KDM2A: variants seen among roughly 807,000 people sequenced by gnomAD.
KDM2A encodes lysine demethylase 2A, also known as lysine-specific demethylase 2A.
Under a neutral mutation model 137.3 loss-of-function variants are expected in KDM2A, and 3 were observed. That is an observed-to-expected ratio of 0.02 (90% CI 0.01 to 0.06). The LOEUF (loss-of-function observed/expected upper bound fraction) is 0.06. Ranked by LOEUF, KDM2A falls within the 10% of genes least tolerant of loss-of-function variation. The pLI is 1.00. For synonymous variants in KDM2A, 512 were observed against 541.5 expected, an observed-to-expected ratio of 0.95 and a Z score of 0.76; for missense variants, 738 against 1,510.6, an observed-to-expected ratio of 0.49 and a Z score of 8.48.
At chr11:67,152,127 C>T (rs958271756) in intron 2 of KDM2A, among the ~76,000 whole-genome samples, 2 of 151,720 alleles carry the variant, frequency 1.3e-5, no homozygotes, top group Non-Finnish European at 2.9e-5. Context: ...ACCGCCTGGT[C>T]AACATAGTGA....
At chr11:67,176,029 G>C (rs1475038442) in intron 2 of KDM2A, among the ~76,000 whole-genome samples, 1 of 152,142 alleles carries the variant, frequency 6.6e-6, no homozygotes, top group East Asian at 1.9e-4. Context: ...TACTTTGAAT[G>C]ATGATGGCAT....
At chr11:67,168,569 CTT>C (rs1856800616) in intron 2 of KDM2A, among the ~76,000 whole-genome samples, 1 of 10,586 alleles carries the variant, frequency 9.4e-5, no homozygotes, top group Non-Finnish European at 2.3e-4. Flanking sequence ...CACACACAGT[CTT>C]GTATGAATTA....
In KDM2A at chr11:67,216,552, T is replaced by C. The variant is rs554747806; in HGVS notation, c.687+603T>C. On this transcript the variant is annotated intron_variant, in intron 8 of 20. Coordinates refer to ENST00000529006, the MANE Select transcript of KDM2A (RefSeq NM_012308.3). ...GTATTATACTCTTGTTACTCTTTTTTCTCTAACTTGCAGTGAATGCATTTG... is the reference window on the plus strand; with the variant it reads ...GTATTATACTCTTGTTACTCTTTTTCCTCTAACTTGCAGTGAATGCATTTG... 1.1e-3 allele frequency among the ~76,000 whole-genome samples: 170 copies of C among 152,380 alleles called. 1 individual carries two copies. Among genetic ancestry groups the C allele is most frequent in the Admixed American group, 4.2e-3 (65 of 15,306 alleles).
In KDM2A at chr11:67,246,023, A is replaced by G; in HGVS notation, c.1872A>G (p.Gly624=). ...ACTCAGTCACATGTTCCCTCTGTGG[A>G]GAGGTGGATCAGAATGAAGAGACAC... ...LPHSVTCSLC[G]EVDQNEETQD... Residue 624 remains glycine (G), a synonymous_variant, in exon 15 of 21, where the codon GGA becomes GGG. Coordinates refer to ENST00000529006, the MANE Select transcript of KDM2A (RefSeq NM_012308.3). The G allele has an allele frequency of 6.2e-7, 1 of 1,613,932 alleles. No homozygotes were observed. Among genetic ancestry groups the G allele is most frequent in the South Asian group, 1.1e-5 (1 of 91,084 alleles).
intron 12 of KDM2A, among the ~76,000 whole-genome samples, chr11:67,235,912 C>T (rs1858859144): frequency 1.3e-5 from 2 of 152,162 alleles, no homozygotes; most frequent in Non-Finnish European, 2.9e-5. Context: ...GCCACTGCGC[C>T]CGGCCAAGAT....
At chr11:67,229,567 T>C (rs952657939) in intron 11 of KDM2A, among the ~76,000 whole-genome samples, 1 of 152,148 alleles carries the variant, frequency 6.6e-6, no homozygotes, top group South Asian at 2.1e-4. Context: ...TAGTTTATAT[T>C]CTCAGTTGAA....
rs139505492 is a variant in KDM2A, at chr11:67,158,848, C to T, written c.43-21231C>T. Among the ~76,000 whole-genome samples the T allele has an allele frequency of 5.4e-3, 816 of 152,144 alleles. 13 individuals carry two copies. The highest frequency in any genetic ancestry group is 0.018 in the African/African-American group (764 of 41,506). ...ATATCTTCTCTGTTTAGATCTTTTG[C>T]TTACTGTTTTATTGTGCTGGTTTTT... On this transcript the variant is annotated intron_variant, in intron 2 of 20. Transcript: ENST00000529006.
chr11:67,205,537 C>T (rs977354502), intron 5 of KDM2A, among the ~76,000 whole-genome samples: 2 of 152,082 alleles, frequency 1.3e-5, no homozygotes, highest in Non-Finnish European at 2.9e-5. Context: ...AGGTGATTCT[C>T]ACACCTCACC....
At chr11:67,165,844 C>T (rs757858520) in intron 2 of KDM2A, among the ~76,000 whole-genome samples, 5 of 152,104 alleles carry the variant, frequency 3.3e-5, no homozygotes, top group African/African-American at 4.8e-5. Context: ...AAAGAAAGGT[C>T]ACTCTTACTT....
chr11:67,148,518 C>T (rs902932818), intron 2 of KDM2A, among the ~76,000 whole-genome samples: 3 of 151,726 alleles, frequency 2.0e-5, no homozygotes, highest in Admixed American at 6.6e-5. Context: ...ACAAGTAATC[C>T]GGCCGGGCGT....
At chr11:67,133,372 G>A (rs1390498883) in intron 2 of KDM2A, among the ~76,000 whole-genome samples, 3 of 151,936 alleles carry the variant, frequency 2.0e-5, no homozygotes, top group Non-Finnish European at 4.4e-5. Flanking sequence ...AAAGGGCTGG[G>A]ATTATAGGTG....
At chr11:67,158,119 A>G (rs936318815) in intron 2 of KDM2A, among the ~76,000 whole-genome samples, 3 of 150,954 alleles carry the variant, frequency 2.0e-5, no homozygotes, top group Non-Finnish European at 4.4e-5. Flanking sequence ...CCTCTCCCCC[A>G]TACACCAGCA....
intron 5 of KDM2A, among the ~76,000 whole-genome samples, chr11:67,191,379 C>T (rs1448589649): frequency 6.6e-6 from 1 of 152,036 alleles, no homozygotes; most frequent in African/African-American, 2.4e-5. Flanking sequence ...GATACCAAAG[C>T]GAGACAAAGA....
At chr11:67,200,690 A>G (rs1857598276) in intron 5 of KDM2A, among the ~76,000 whole-genome samples, 1 of 151,790 alleles carries the variant, frequency 6.6e-6, no homozygotes, top group Non-Finnish European at 1.5e-5. Flanking sequence ...GTGTTTTGGT[A>G]GAGACACAGT....
chr11:67,211,188 T>A (rs1303567306), intron 6 of KDM2A, among the ~76,000 whole-genome samples: 1 of 152,216 alleles, frequency 6.6e-6, no homozygotes, highest in Non-Finnish European at 1.5e-5. Context: ...TATATTTCAC[T>A]AGTGCTTTTT....
At chr11:67,228,990 G>A (rs1858631007) in intron 11 of KDM2A, among the ~76,000 whole-genome samples, 1 of 152,014 alleles carries the variant, frequency 6.6e-6, no homozygotes, top group African/African-American at 2.4e-5. Flanking sequence ...CTCCCAAATT[G>A]GAATTACAGG....
At chr11:67,130,258 G>C (rs1033670491) in intron 2 of KDM2A, among the ~76,000 whole-genome samples, 1 of 151,884 alleles carries the variant, frequency 6.6e-6, no homozygotes, top group Non-Finnish European at 1.5e-5. Flanking sequence ...TCTGAGTCAC[G>C]GCACCTGACT....
intron 2 of KDM2A, among the ~76,000 whole-genome samples, chr11:67,129,900 CTG>C (rs199668887): frequency 0.033 from 4,514 of 137,624 alleles, 104 homozygotes; most frequent in African/African-American, 0.085. Context: ...GACAGAGACT[CTG>C]TCTCAAAAAA....
intron 11 of KDM2A, among the ~76,000 whole-genome samples, chr11:67,230,191 T>A (rs1346951989): frequency 4.8e-5 from 7 of 146,132 alleles, no homozygotes; most frequent in Non-Finnish European, 7.6e-5. Context: ...AAAAAAAAAA[T>A]ACATCTAATA....
Sources: allele counts gnomAD v4.1 joint callset (sites outside exome capture counted in the v4.1 genomes callset), GRCh38; gene constraint gnomAD v4.1.1; transcripts MANE v1.5; gene names NCBI Gene and HGNC (gene_info 2026-07-23, HGNC 2026-07-21).